The following CADPS variants were observed in gnomAD, a reference collection of about 807,000 sequenced individuals.
The protein encoded by CADPS is calcium-dependent secretion activator 1.
A neutral mutation model predicts 167.3 loss-of-function variants in CADPS; 57 were observed. The ratio of observed to expected loss-of-function variants is 0.34; its 90% CI spans 0.28 to 0.42. CADPS has a LOEUF of 0.42. Among genes scored for constraint, CADPS ranks in the 20% least tolerant of loss-of-function variants. The probability of loss-of-function intolerance (pLI) is 1.00; values close to 1 mark genes in which losing one functional copy is unlikely to be tolerated. For missense variants in CADPS, 1,414 were observed against 1,738.1 expected (o/e 0.81, Z 3.32); for synonymous variants, 676 against 635.3 (o/e 1.06, Z -0.96).
intron 6 of CADPS, among the ~76,000 whole-genome samples, chr3:62,620,763 C>CA (rs1359552558): frequency 1.3e-5 from 2 of 152,156 alleles, no homozygotes; most frequent in African/African-American, 4.8e-5. Flanking sequence ...CCTTTGAAAC[C>CA]AACACCCTTG....
intron 21 of CADPS, among the ~76,000 whole-genome samples, chr3:62,490,723 T>C (rs1335471986): frequency 3.9e-5 from 6 of 152,150 alleles, no homozygotes; most frequent in Admixed American, 6.5e-5. Context: ...TTCCTAAACA[T>C]ACTTGGCCAT....
chr3:62,652,960 T>C (rs888904828), intron 4 of CADPS, among the ~76,000 whole-genome samples: 2 of 152,140 alleles, frequency 1.3e-5, no homozygotes, highest in African/African-American at 2.4e-5. Context: ...AGCTTGGAGA[T>C]GTCTTTGTGC....
chr3:62,473,941 C>T, intron 24 of CADPS: 2 of 422,800 alleles, frequency 4.7e-6, no homozygotes, highest in South Asian at 1.1e-4. Flanking sequence ...ATATGGCCAC[C>T]CCAACTCCAG....
At chr3:62,661,916 G>T (rs1019361272) in intron 4 of CADPS, among the ~76,000 whole-genome samples, 1 of 152,194 alleles carries the variant, frequency 6.6e-6, no homozygotes, top group African/African-American at 2.4e-5. Flanking sequence ...TTCATCCACA[G>T]TGATTGGATA....
intron 3 of CADPS, among the ~76,000 whole-genome samples, chr3:62,671,476 G>A (rs573778560): frequency 1.1e-4 from 17 of 152,002 alleles, no homozygotes; most frequent in Admixed American, 3.9e-4. Context: ...AAAATACAGG[G>A]GACTAGGCCT....
At chr3:62,580,773 C>G (rs1033021929) in intron 8 of CADPS, among the ~76,000 whole-genome samples, 1 of 152,168 alleles carries the variant, frequency 6.6e-6, no homozygotes, top group East Asian at 1.9e-4. Flanking sequence ...AGTAATGAAT[C>G]TATAAAAGAT....
At chr3:62,668,282 A>G (rs966734493) in intron 3 of CADPS, among the ~76,000 whole-genome samples, 2 of 152,248 alleles carry the variant, frequency 1.3e-5, no homozygotes, top group Non-Finnish European at 2.9e-5. Flanking sequence ...CTAAAGTGAT[A>G]GTGATCCAGA....
chr3:62,788,185 A>G (rs12636581), intron 1 of CADPS, among the ~76,000 whole-genome samples: 83,640 of 152,018 alleles, frequency 0.55, 25,869 homozygotes, highest in East Asian at 0.88. Flanking sequence ...TGAATGCAAT[A>G]CCTTTTCTCA....
intron 1 of CADPS, among the ~76,000 whole-genome samples, chr3:62,780,750 C>T (rs1227379344): frequency 1.3e-5 from 2 of 152,172 alleles, no homozygotes; most frequent in Non-Finnish European, 2.9e-5. Context: ...CATTCCTTTG[C>T]TGGCTGCCTA....
intron 6 of CADPS, among the ~76,000 whole-genome samples, chr3:62,616,296 G>C (rs2062279118): frequency 6.6e-6 from 1 of 152,022 alleles, no homozygotes; most frequent in Non-Finnish European, 1.5e-5. Context: ...GGATTAGACA[G>C]ACTTTTTTTT....
intron 26 of CADPS, among the ~76,000 whole-genome samples, chr3:62,457,684 C>T (rs965112026): frequency 6.6e-6 from 1 of 151,986 alleles, no homozygotes; most frequent in African/African-American, 2.4e-5. Flanking sequence ...TGGAACCAAC[C>T]CAAATGTCCA....
intron 28 of CADPS, among the ~76,000 whole-genome samples, chr3:62,410,307 A>C (rs1358462702): frequency 3.9e-5 from 6 of 152,238 alleles, no homozygotes. Context: ...TTTTCTAAAC[A>C]TGTATTCCTT....
chr3:62,410,044 A>T (rs2048658150), intron 28 of CADPS, among the ~76,000 whole-genome samples: 2 of 152,192 alleles, frequency 1.3e-5, no homozygotes, highest in South Asian at 2.1e-4. Context: ...ACACACACAC[A>T]TACATATATA....
At chr3:62,406,232 A>C (rs1708445157) in intron 28 of CADPS, among the ~76,000 whole-genome samples, 1 of 152,114 alleles carries the variant, frequency 6.6e-6, no homozygotes, top group Non-Finnish European at 1.5e-5. Context: ...TCATCATGGG[A>C]ATTGGCAAAT....
At chr3:62,797,962 C>G (rs921827617) in intron 1 of CADPS, among the ~76,000 whole-genome samples, 2 of 152,172 alleles carry the variant, frequency 1.3e-5, no homozygotes, top group East Asian at 1.9e-4. Flanking sequence ...GTTTGACATT[C>G]ATTCATTCAT....
chr3:62,705,981 T>C (rs2082233571), intron 3 of CADPS, among the ~76,000 whole-genome samples: 1 of 152,108 alleles, frequency 6.6e-6, no homozygotes, highest in Non-Finnish European at 1.5e-5. Context: ...ACCCACATGG[T>C]TAGTGATGGC....
At chr3:62,541,444 G>C (rs544938277) in intron 11 of CADPS, among the ~76,000 whole-genome samples, 1 of 152,116 alleles carries the variant, frequency 6.6e-6, no homozygotes, top group Non-Finnish European at 1.5e-5. Context: ...GATGGATAAC[G>C]CTGCTATTGG....
intron 1 of CADPS, among the ~76,000 whole-genome samples, chr3:62,830,967 T>C (rs1481402974): frequency 6.6e-6 from 1 of 152,190 alleles, no homozygotes; most frequent in Non-Finnish European, 1.5e-5. Flanking sequence ...TATTCCATCA[T>C]ACTCACAAAT....
chr3:62,753,672 C>G lies in CADPS; in HGVS notation c.657G>C (p.Val219=). The stretch of plus-strand genomic sequence containing the variant: ...GGCCGTCAATCTCAGGCAGGCTGCG[C>G]ACTCTCTTCTCAATGTGCTTCTTGA... ...EVFKKHIEKR[V]RSLPEIDGLS... Residue 219 remains valine (V), a synonymous_variant, in exon 3 of 30, where the codon GTG becomes GTC. Transcript: ENST00000383710. The surrounding 1 kb of genome is among the most constrained non-coding windows in gnomAD (Gnocchi z 4.6). 6.2e-7 allele frequency: 1 copy of G among 1,614,212 alleles called. No individual in the cohort carries two copies. Among genetic ancestry groups the G allele is most frequent in the African/African-American group, 1.3e-5 (1 of 75,058 alleles).
Sources: gnomAD v4.1 joint callset for allele counts (sites outside exome capture counted in the v4.1 genomes callset) on GRCh38, gnomAD v4.1.1 for gene constraint, Gnocchi (gnomAD v3.1) non-coding constraint, MANE v1.5 for transcripts, NCBI Gene and HGNC (gene_info 2026-07-23, HGNC 2026-07-21) for gene names.